Variants in ADGRV1 observed in about 807,000 individuals in gnomAD.
The protein encoded by ADGRV1 is adhesion G protein-coupled receptor V1.
ADGRV1 carries 359 observed loss-of-function variants against 596.2 expected under a neutral mutation model. The ratio of observed to expected loss-of-function variants is 0.60; its 90% CI spans 0.55 to 0.66. ADGRV1 has a LOEUF of 0.66. ADGRV1 is among the 30% of genes least tolerant of loss of function. The pLI is 0.00. For synonymous variants in ADGRV1, 2,681 were observed against 2,679.2 expected (o/e 1.00, Z -0.02); for missense variants, 7,274 against 7,575.6 (o/e 0.96, Z 1.48).
rs16869044 is a variant in ADGRV1 at position 90,725,516 on chromosome 5, C to T, written c.10054-33C>T. On this transcript the variant is annotated intron_variant, in intron 47 of 89. Coordinates refer to ENST00000405460, the MANE Select transcript of ADGRV1 (RefSeq NM_032119.4). ...CAGTGGCTTTCTTAGTTCAACTCTC[C>T]TTTAAGTTTTCATTCCCACTCTGTC... The T allele has an allele frequency of 2.1e-3, 2,436 of 1,158,636 alleles. 23 individuals carry two copies. In the African/African-American group the frequency reaches 0.033, roughly 16 times the overall value. The allele number at this position is 1,158,636 out of a possible 1,614,324, so 71.8% of individuals were successfully genotyped here.
At chr5:90,593,891 C>G (rs1222431982) in intron 1 of ADGRV1, among the ~76,000 whole-genome samples, 3 of 151,926 alleles carry the variant, frequency 2.0e-5, no homozygotes, top group African/African-American at 7.2e-5. Context: ...ACATAACTTT[C>G]TTGATATGTA....
At chr5:91,035,870 T>TATATATATATATATATA (rs1784865946) in intron 85 of ADGRV1, among the ~76,000 whole-genome samples, 1 of 130,904 alleles carries the variant, frequency 7.6e-6, no homozygotes, top group Non-Finnish European at 1.6e-5. Flanking sequence ...ATTATATATA[T>TATATATATATATATATA]ATATATATAT....
rs1488037037 is a variant in ADGRV1 at position 91,119,816 on chromosome 5, A to G, written c.18432+17476A>G. Among the ~76,000 whole-genome samples the G allele has an allele frequency of 1.4e-4, 22 of 152,206 alleles. 1 individual carries two copies. Among genetic ancestry groups the G allele is most frequent in the Admixed American group, 1.4e-3 (22 of 15,278 alleles). On this transcript the variant is annotated intron_variant, in intron 87 of 89. Transcript: ENST00000405460. ...AATACTTGGCTCAATTATAGAAGTT[A>G]TAGATCTTCCTCACTAGCACAAGTC...
At chr5:90,651,024 G>A (rs115002957) in intron 17 of ADGRV1, among the ~76,000 whole-genome samples, 1,866 of 152,238 alleles carry the variant, frequency 0.012, 15 homozygotes, top group Middle Eastern at 0.037. Context: ...AATATACTGT[G>A]CAAAGAACTG....
intron 71 of ADGRV1, 146 bp downstream of exon 71, chr5:90,803,028 CAG>C: frequency 3.7e-6 from 2 of 540,558 alleles, no homozygotes; most frequent in East Asian, 3.2e-5. Flanking sequence ...GTAGATGTAA[CAG>C]ATATATTATA....
chr5:91,087,897 C>CT (rs1485925266), intron 86 of ADGRV1, among the ~76,000 whole-genome samples: 2 of 152,048 alleles, frequency 1.3e-5, no homozygotes, highest in African/African-American at 2.4e-5. Context: ...ATCATTCTGC[C>CT]TTTTTTTGTG....
intron 1 of ADGRV1, among the ~76,000 whole-genome samples, chr5:90,601,034 C>T (rs1194171504): frequency 6.6e-6 from 1 of 152,052 alleles, no homozygotes; most frequent in African/African-American, 2.4e-5. Context: ...GTCGGGAGTT[C>T]AAGACCAGCC....
intron 85 of ADGRV1, among the ~76,000 whole-genome samples, chr5:91,009,814 C>CT (rs1318648724): frequency 6.6e-6 from 1 of 151,930 alleles, no homozygotes; most frequent in Non-Finnish European, 1.5e-5. Flanking sequence ...TATCACAGCC[C>CT]TTCAGGTATT....
chr5:90,642,847 T>C lies in ADGRV1; in HGVS notation c.2368-9T>C, dbSNP rs2149429007. 6.3e-7 allele frequency: 1 copy of C among 1,597,840 alleles called. No individual in the cohort carries two copies. Among genetic ancestry groups the C allele is most frequent in the Non-Finnish European group, 8.5e-7 (1 of 1,173,622 alleles). ...AAGGGTTTCAACTTTTGTGGATTTG[T>C]TTTTAAAGGAAGGAGAATCTGTAGA... is the stretch of plus-strand genomic sequence containing the variant. On this transcript the variant is annotated splice_polypyrimidine_tract_variant and intron_variant, in intron 12 of 89. Coordinates refer to ENST00000405460, the MANE Select transcript of ADGRV1 (RefSeq NM_032119.4).
intron 25 of ADGRV1, among the ~76,000 whole-genome samples, chr5:90,679,259 T>C (rs2149566820): frequency 6.6e-6 from 1 of 151,058 alleles, no homozygotes; most frequent in African/African-American, 2.4e-5. Context: ...TTTACGTTGG[T>C]GTAAAAAAAT....
chr5:90,898,468 C>G lies in ADGRV1; in HGVS notation c.17856+34611C>G, dbSNP rs565851019. The stretch of plus-strand genomic sequence containing the variant: ...TTCATTTTTAATGCTTGATAAGCAG[C>G]CAAGTTTCAGGCTTAATTCACTTAG... On this transcript the variant is annotated intron_variant, in intron 83 of 89. Transcript: ENST00000405460. Among the ~76,000 whole-genome samples, 6 of 152,218 alleles carry G rather than the reference C, an allele frequency of 3.9e-5. No homozygotes were observed. In the East Asian group the frequency reaches 9.7e-4, roughly 24 times the overall value.
At chr5:91,055,138 C>G (rs1458478312) in intron 85 of ADGRV1, among the ~76,000 whole-genome samples, 1 of 152,060 alleles carries the variant, frequency 6.6e-6, no homozygotes, top group Non-Finnish European at 1.5e-5. Flanking sequence ...TAACTCACTG[C>G]TATAAGTGCT....
chr5:90,653,279 T>C lies in ADGRV1; in HGVS notation c.3705T>C (p.Asn1235=). 1 of 1,613,924 alleles carries C rather than the reference T, an allele frequency of 6.2e-7. No homozygotes were observed. The highest frequency in any genetic ancestry group is 1.1e-5 in the South Asian group (1 of 91,074). ...AGGTGACAGTAATGGTTCCATTCAATGATGATCCCTTTGGAGTTTTTATCT... is the reference window on the plus strand; with the variant it reads ...AGGTGACAGTAATGGTTCCATTCAACGATGATCCCTTTGGAGTTTTTATCT... The part of the protein sequence containing the change: ...NLQVTVMVPF[N]DDPFGVFILD... The change falls in exon 20 of 90, where the codon AAT becomes AAC. Residue 1235 remains asparagine (N), a synonymous_variant. Coordinates refer to ENST00000405460, the MANE Select transcript of ADGRV1 (RefSeq NM_032119.4).
chr5:90,741,973 GGAA>G (rs558214893), intron 50 of ADGRV1, among the ~76,000 whole-genome samples: 202 of 152,284 alleles, frequency 1.3e-3, no homozygotes, highest in African/African-American at 4.5e-3. Flanking sequence ...TTCTTTAAAT[GGAA>G]GAAGAAGAAT....
At chr5:90,603,350 C>G (rs1580419140) in intron 1 of ADGRV1, among the ~76,000 whole-genome samples, 1 of 152,166 alleles carries the variant, frequency 6.6e-6, no homozygotes, top group South Asian at 2.1e-4. Context: ...CATTCCTTCA[C>G]TCTAATGTTG....
chr5:90,786,491 A>C (rs1759467102), intron 67 of ADGRV1, among the ~76,000 whole-genome samples: 1 of 152,230 alleles, frequency 6.6e-6, no homozygotes, highest in Non-Finnish European at 1.5e-5. Flanking sequence ...CTTTTAAAGC[A>C]GCTCATTTAA....
intron 83 of ADGRV1, among the ~76,000 whole-genome samples, chr5:90,916,566 A>G (rs1773373983): frequency 6.6e-6 from 1 of 151,636 alleles, no homozygotes; most frequent in African/African-American, 2.4e-5. Flanking sequence ...TCGATATTCA[A>G]TTTACATATT....
At chr5:90,710,916 T>G in intron 39 of ADGRV1, 65 bp from the exon 40 acceptor site, 3 of 934,988 alleles carry the variant, frequency 3.2e-6, no homozygotes, top group Non-Finnish European at 5.0e-6. Flanking sequence ...TGTCTTTAAA[T>G]CCTATATCAA....
intron 59 of ADGRV1, among the ~76,000 whole-genome samples, chr5:90,768,987 G>A (rs919319756): frequency 6.6e-6 from 1 of 152,178 alleles, no homozygotes; most frequent in Non-Finnish European, 1.5e-5. Flanking sequence ...CTTCAGAGCT[G>A]TCTGAGTTAG....
Sources: gnomAD v4.1 joint callset for allele counts (sites outside exome capture counted in the v4.1 genomes callset) on GRCh38, gnomAD v4.1.1 for gene constraint, MANE v1.5 for transcripts, NCBI Gene and HGNC (gene_info 2026-07-23, HGNC 2026-07-21) for gene names.